Variants in GRP observed in about 807,000 individuals in gnomAD.
GRP encodes gastrin-releasing peptide.
GRP carries 11 observed loss-of-function variants against 12.7 expected under a neutral mutation model. That is an observed-to-expected ratio of 0.87 (90% CI 0.55 to 1.44). The LOEUF (loss-of-function observed/expected upper bound fraction) is 1.44, where lower values mean the gene tolerates loss of function less well. GRP is among the 40% of genes most tolerant of loss of function. GRP has a pLI of 0.00. For missense variants in GRP, 212 were observed against 185.4 expected (o/e 1.14, Z -0.83); for synonymous variants, 84 against 77.7 (o/e 1.08, Z -0.43).
chr18:59,220,250 G>A lies in GRP; in HGVS notation c.-16G>A, dbSNP rs1210876837. On this transcript the variant is annotated 5_prime_UTR_variant, in exon 1 of 3. Coordinates refer to ENST00000256857, the MANE Select transcript of GRP (RefSeq NM_002091.5). ...CCAGCCTCTCCGGCGCGCTCCAAGG[G>A]CTTCCCGTCGGGACCATGCGCGGCC... 4.7e-6 allele frequency: 7 copies of A among 1,486,556 alleles called. No homozygotes were observed. The South Asian group carries it at 8.9e-5, about 19-fold the overall frequency. The allele number at this position is 1,486,556 out of a possible 1,614,324, so 92.1% of individuals were successfully genotyped here.
chr18:59,222,859 A>G (rs1320115727), intron 1 of GRP, among the ~76,000 whole-genome samples: 3 of 152,216 alleles, frequency 2.0e-5, no homozygotes, highest in Admixed American at 6.5e-5. Context: ...TGTTTGTGTG[A>G]TGAAAATATA....
At chr18:59,223,401 A>G (rs1209217670) in intron 1 of GRP, among the ~76,000 whole-genome samples, 2 of 152,146 alleles carry the variant, frequency 1.3e-5, no homozygotes, top group Admixed American at 1.3e-4. Context: ...CTCCTTAGCA[A>G]CCAGTCTATG....
chr18:59,223,855 G>A (rs60795000), intron 1 of GRP, among the ~76,000 whole-genome samples: 6,173 of 152,314 alleles, frequency 0.041, 205 homozygotes, highest in African/African-American at 0.085. Flanking sequence ...TGAGGAGCCA[G>A]TCATTCAGGA....
At chr18:59,226,859 C>T (rs1001015781) in intron 2 of GRP, among the ~76,000 whole-genome samples, 3 of 152,184 alleles carry the variant, frequency 2.0e-5, no homozygotes, top group East Asian at 3.8e-4. Flanking sequence ...TGCCAAGCCT[C>T]GGCTGGCTTT....
At chr18:59,228,646 A>G (rs1189803539) in intron 2 of GRP, among the ~76,000 whole-genome samples, 2 of 152,250 alleles carry the variant, frequency 1.3e-5, no homozygotes, top group Admixed American at 1.3e-4. Flanking sequence ...ATGCCCAGCA[A>G]TGTTCAAGGT....
chr18:59,225,362 A>G (rs955421056), intron 1 of GRP, 130 bp from the exon 2 acceptor site: 1 of 892,674 alleles, frequency 1.1e-6, no homozygotes, highest in Non-Finnish European at 1.7e-6. Context: ...TCTTAATAAA[A>G]CATGATTTAT....
rs1007574686 is a variant in GRP at position 59,222,184 on chromosome 18, G to A, written c.139+1780G>A. Among the ~76,000 whole-genome samples, 6 of 152,098 alleles carry A rather than the reference G, an allele frequency of 3.9e-5. No homozygotes were observed. In the South Asian group the frequency reaches 6.2e-4, roughly 16 times the overall value. ...CTAATAAAGCTTATTATTAGGTAAC[G>A]CTTGCAGGCCCAAAGGAGGACAATA... is the stretch of plus-strand genomic sequence containing the variant. On this transcript the variant is annotated intron_variant, in intron 1 of 2. Transcript: ENST00000256857.
At chr18:59,221,300 C>G (rs4940452) in intron 1 of GRP, among the ~76,000 whole-genome samples, 117,314 of 152,210 alleles carry the variant, frequency 0.77, 45,728 homozygotes, top group African/African-American at 0.87. Flanking sequence ...GCTGCGGGTG[C>G]GGAGGGCGCC....
At chr18:59,229,744 A>T (rs1337629387) in intron 2 of GRP, among the ~76,000 whole-genome samples, 2 of 152,188 alleles carry the variant, frequency 1.3e-5, no homozygotes, top group Admixed American at 1.3e-4. Flanking sequence ...ACAAAGAAGT[A>T]TTTTAAAATT....
chr18:59,229,013 T>G lies in GRP; in HGVS notation c.383-1391T>G, dbSNP rs74987302. On this transcript the variant is annotated intron_variant, in intron 2 of 2. Coordinates refer to ENST00000256857, the MANE Select transcript of GRP (RefSeq NM_002091.5). ...GAAAGTAAATGTGTTCGTTCTTCAC[T>G]TTTAAGGGACTGCTCTCACTGTCTC... 4.1e-3 allele frequency among the ~76,000 whole-genome samples: 632 copies of G among 152,356 alleles called. 1 individual carries two copies. The highest frequency in any genetic ancestry group is 7.3e-3 in the Non-Finnish European group (495 of 68,028).
chr18:59,228,472 T>C (rs1395569374), intron 2 of GRP, among the ~76,000 whole-genome samples: 2 of 152,198 alleles, frequency 1.3e-5, no homozygotes, highest in Admixed American at 6.5e-5. Context: ...TAATAAAACA[T>C]CAAGTACTGT....
At chr18:59,220,466 G>C in intron 1 of GRP, 62 bp downstream of exon 1, 1 of 1,301,246 alleles carries the variant, frequency 7.7e-7, no homozygotes, top group Non-Finnish European at 9.9e-7. Flanking sequence ...AGCCGGAGGG[G>C]ACCTGTCTCC....
chr18:59,224,457 AG>A (rs1358121159), intron 1 of GRP, among the ~76,000 whole-genome samples: 1 of 152,254 alleles, frequency 6.6e-6, no homozygotes, highest in Non-Finnish European at 1.5e-5. Flanking sequence ...AATGCCAGTC[AG>A]TGTTGGAACC....
intron 1 of GRP, 99 bp from the exon 2 acceptor site, chr18:59,225,393 G>A: frequency 8.9e-7 from 1 of 1,117,990 alleles, no homozygotes; most frequent in Non-Finnish European, 1.3e-6. Flanking sequence ...GGAGGAAGCA[G>A]CACAAACACA....
At position 59,230,479 on chromosome 18, in the gene GRP, C is replaced by G; in HGVS notation, c.*11C>G. Reference sequence around the variant, plus strand: ...CTGAACCAGCAATGATAATGATGGCCTCTCTCAAAAGAGAAAAACAAAACC... The same window carrying G: ...CTGAACCAGCAATGATAATGATGGCGTCTCTCAAAAGAGAAAAACAAAACC... On this transcript the variant is annotated 3_prime_UTR_variant, in exon 3 of 3. Coordinates refer to ENST00000256857, the MANE Select transcript of GRP (RefSeq NM_002091.5). 1 of 1,526,206 alleles carries G rather than the reference C, an allele frequency of 6.6e-7. No individual in the cohort carries two copies. The highest frequency in any genetic ancestry group is 9.1e-7 in the Non-Finnish European group (1 of 1,099,698). 94.5% of individuals were successfully genotyped at this position (1,526,206 alleles called of 1,614,324 possible).
intron 1 of GRP, among the ~76,000 whole-genome samples, chr18:59,224,483 C>T (rs2069884007): frequency 6.6e-6 from 1 of 152,116 alleles, no homozygotes; most frequent in African/African-American, 2.4e-5. Context: ...AGACCTTTTT[C>T]CTTGCACACT....
chr18:59,220,987 G>T (rs1237515565), intron 1 of GRP, among the ~76,000 whole-genome samples: 4 of 152,156 alleles, frequency 2.6e-5, no homozygotes, highest in African/African-American at 4.8e-5. Flanking sequence ...GCCTGTCTGT[G>T]ACTCTCTGGA....
chr18:59,220,108 G>T, upstream of GRP: 1 of 219,008 alleles, frequency 4.6e-6, no homozygotes, highest in East Asian at 1.7e-4. Flanking sequence ...GAGCCCCCCA[G>T]CCCCCCCGCC....
chr18:59,229,212 G>A (rs1003483538), intron 2 of GRP, among the ~76,000 whole-genome samples: 4 of 152,064 alleles, frequency 2.6e-5, no homozygotes, highest in Non-Finnish European at 5.9e-5. Flanking sequence ...CTGGAATATA[G>A]CTCCTCCCTA....
Sources: allele counts gnomAD v4.1 joint callset (sites outside exome capture counted in the v4.1 genomes callset), GRCh38; gene constraint gnomAD v4.1.1; transcripts MANE v1.5; gene names NCBI Gene and HGNC (gene_info 2026-07-23, HGNC 2026-07-21).